AHNAK: variants seen among roughly 807,000 people sequenced by gnomAD.
The protein encoded by AHNAK is neuroblast differentiation-associated protein AHNAK.
AHNAK carries 23 observed loss-of-function variants against 37.8 expected under a neutral mutation model. The observed-to-expected ratio is 0.61, with a 90% CI of 0.44 to 0.86. AHNAK has a LOEUF of 0.86. Ranked by LOEUF, AHNAK falls within the 40% of genes least tolerant of loss-of-function variation. The probability of loss-of-function intolerance (pLI) is 0.00; values close to 1 mark genes in which losing one functional copy is unlikely to be tolerated. For synonymous variants in AHNAK, 2,481 were observed against 2,636.3 expected (o/e 0.94, Z 1.80); for missense variants, 7,411 against 7,319.4 (o/e 1.01, Z -0.46).
At position 62,529,984 on chromosome 11, in the gene AHNAK, C is replaced by A; in HGVS notation, c.4433G>T (p.Gly1478Val). The part of the protein sequence containing the change: ...DYDVTVPKVE[G>V]EIKAPDVDIK... ...GTCAACATCAGGAGCTTTTATCTCT[C>A]CTTCTACTTTTGGAACTGTTACATC... The change falls in exon 5 of 5, where the codon GGA becomes GTA. Residue 1478 changes from glycine to valine, a missense_variant. Coordinates refer to ENST00000378024, the MANE Select transcript of AHNAK (RefSeq NM_001620.3). 6.2e-7 allele frequency: 1 copy of A among 1,613,772 alleles called. No individual in the cohort carries two copies. The highest frequency in any genetic ancestry group is 8.5e-7 in the Non-Finnish European group (1 of 1,179,978).
intron 4 of AHNAK, among the ~76,000 whole-genome samples, chr11:62,494,937 T>C (rs1208874779): frequency 6.7e-6 from 1 of 148,584 alleles, no homozygotes; most frequent in Non-Finnish European, 1.5e-5. Context: ...AAGGCGGAGG[T>C]TGCAGTGAGC....
intron 5 of AHNAK, among the ~76,000 whole-genome samples, chr11:62,462,276 C>G (rs1047876070): frequency 6.7e-5 from 10 of 150,288 alleles, no homozygotes; most frequent in Admixed American, 5.3e-4. Flanking sequence ...CATCTCAACT[C>G]TCTGGTCCTG....
In AHNAK at chr11:62,533,020, G is replaced by C. The variant is rs1940816599; in HGVS notation, c.1397C>G (p.Ser466Cys). The change falls in exon 5 of 5, where the codon TCT (serine) becomes TGT (cysteine). Residue 466 changes from serine to cysteine, a missense_variant. Transcript: ENST00000378024. ...PTGEVTVPGV[S>C]GDVSLPEIAT... ...AATCTCAGGCAGGCTGACATCCCCAGAGACCCCAGGAACAGTCACTTCACC... is the reference window on the plus strand; with the variant it reads ...AATCTCAGGCAGGCTGACATCCCCACAGACCCCAGGAACAGTCACTTCACC... 2 of 1,613,876 alleles carry C rather than the reference G, an allele frequency of 1.2e-6. No homozygotes were observed. The highest frequency in any genetic ancestry group is 2.2e-5 in the South Asian group (2 of 91,080).
In AHNAK at chr11:62,525,606, A is replaced by G. The variant is rs1940449626; in HGVS notation, c.8811T>C (p.Val2937=). The G allele has an allele frequency of 6.2e-7, 1 of 1,612,210 alleles. No homozygotes were observed. The highest frequency in any genetic ancestry group is 1.7e-5 in the Admixed American group (1 of 59,778). ...ACTTTCCCTCTGGTCCTTCAATGTTAACATCAGGGCCTTCAACGTCCACTT... is the reference window on the plus strand; with the variant it reads ...ACTTTCCCTCTGGTCCTTCAATGTTGACATCAGGGCCTTCAACGTCCACTT... ...GPKVDVEGPD[V]NIEGPEGKLK... is the part of the protein sequence containing the mutation. The change falls in exon 5 of 5, where the codon GTT becomes GTC. Residue 2937 remains valine, a synonymous_variant. Coordinates refer to ENST00000378024, the MANE Select transcript of AHNAK (RefSeq NM_001620.3).
chr11:62,442,926 T>A (rs1205712075), intron 5 of AHNAK, among the ~76,000 whole-genome samples: 1 of 151,994 alleles, frequency 6.6e-6, no homozygotes, highest in East Asian at 1.9e-4. Flanking sequence ...TGGATGAGGA[T>A]GCACCTGGGT....
intron 5 of AHNAK, among the ~76,000 whole-genome samples, chr11:62,490,831 A>G (rs1043180024): frequency 6.6e-6 from 1 of 151,948 alleles, no homozygotes; most frequent in East Asian, 1.9e-4. Flanking sequence ...GTCGTCGCCC[A>G]GGCTGGAGTG....
Position 62,527,604 on chromosome 11 carries a change from G to A in AHNAK, c.6813C>T (p.Asp2271=), listed in dbSNP as rs188468517. Residue 2271 remains aspartate (D), a synonymous_variant, in exon 5 of 5, where the codon GAC becomes GAT. Coordinates refer to ENST00000378024, the MANE Select transcript of AHNAK (RefSeq NM_001620.3). ...PEVDVNLPKA[D]VDVSGPKVDV... ...CCACCTTGGGTCCTGAGACATCAAC[G>A]TCAGCCTTGGGCAAGTTCACATCCA... 125 of 1,613,338 alleles carry A rather than the reference G, an allele frequency of 7.7e-5. No individual in the cohort carries two copies. The East Asian group carries it at 2.2e-3, about 29-fold the overall frequency.
intron 5 of AHNAK, among the ~76,000 whole-genome samples, chr11:62,481,008 T>G (rs545924840): frequency 6.6e-6 from 1 of 152,108 alleles, no homozygotes; most frequent in East Asian, 1.9e-4. Context: ...GAGGCGCTCC[T>G]GTAGCTCCTG....
exon 5 of AHNAK, chr11:62,491,764 G>C: frequency 1.2e-6 from 2 of 1,612,786 alleles, no homozygotes; most frequent in Non-Finnish European, 1.7e-6. Flanking sequence ...AACTGCCCCG[G>C]CTTGGCTGCT....
chr11:62,542,236 G>A (rs532232758), intron 1 of AHNAK, among the ~76,000 whole-genome samples: 1 of 151,634 alleles, frequency 6.6e-6, no homozygotes, highest in East Asian at 1.9e-4. Flanking sequence ...AGCCTTCACC[G>A]GCTCACAATA....
intron 4 of AHNAK, among the ~76,000 whole-genome samples, chr11:62,503,852 T>C (rs1251411201): frequency 6.6e-6 from 1 of 152,032 alleles, no homozygotes; most frequent in Non-Finnish European, 1.5e-5. Flanking sequence ...GTTTAAAAAA[T>C]AACTTCTTTT....
intron 5 of AHNAK, among the ~76,000 whole-genome samples, chr11:62,468,869 GCTTTCC>G: frequency 6.6e-6 from 1 of 152,252 alleles, no homozygotes; most frequent in Non-Finnish European, 1.5e-5. Flanking sequence ...CTCTGTTTCT[GCTTTCC>G]TCAGCTCTTT....
rs1940127124 is a variant in AHNAK, at chr11:62,518,983, A to T, written c.15434T>A (p.Met5145Lys). The T allele has an allele frequency of 6.2e-7, 1 of 1,614,172 alleles. No individual in the cohort carries two copies. The highest frequency in any genetic ancestry group is 1.3e-5 in the African/African-American group (1 of 75,044). The part of the protein sequence containing the change: ...DIKAKAPKVK[M>K]PDVDISVPKI... ...TGGCACTGAGATGTCCACATCTGGC[A>T]TCTTGACCTTGGGAGCCTTCGCCTT... The change falls in exon 5 of 5, where the codon ATG (methionine) becomes AAG (lysine). Residue 5145 changes from methionine to lysine, a missense_variant. By Grantham distance (95) the Met-to-Lys change is moderately conservative. Coordinates refer to ENST00000378024, the MANE Select transcript of AHNAK (RefSeq NM_001620.3).
intron 3 of AHNAK, 98 bp from the exon 4 acceptor site, chr11:62,535,288 T>A: frequency 2.7e-6 from 3 of 1,102,094 alleles, no homozygotes; most frequent in Middle Eastern, 2.3e-4. Context: ...CTTGAACTCA[T>A]GACCACCCTG....
At chr11:62,512,243 C>T (rs1234593908), downstream of AHNAK, among the ~76,000 whole-genome samples, 1 of 152,244 alleles carries the variant, frequency 6.6e-6, no homozygotes, top group Non-Finnish European at 1.5e-5. This position sits in a 1 kb window ranked among gnomAD's most constrained non-coding sequence, Gnocchi z 4.0. Flanking sequence ...TCAGCTGCAA[C>T]ACCTGGGCTC....
At chr11:62,451,933 G>C (rs933103592) in intron 5 of AHNAK, among the ~76,000 whole-genome samples, 1 of 149,320 alleles carries the variant, frequency 6.7e-6, no homozygotes, top group African/African-American at 2.5e-5. Context: ...TCAGCCTCCC[G>C]AGTATCTGGG....
rs1380192385 is a variant in AHNAK at position 62,519,798 on chromosome 11, C to A, written c.14619G>T (p.Lys4873Asn). 6.2e-7 allele frequency: 1 copy of A among 1,613,818 alleles called. No homozygotes were observed. The highest frequency in any genetic ancestry group is 8.5e-7 in the Non-Finnish European group (1 of 1,179,914). Reference protein sequence around the residue: ...VKGDFDVSVPKVEGTLKGPEV... With the variant: ...VKGDFDVSVPNVEGTLKGPEV... ...CTGGGCCTTTCAAAGTCCCTTCAAC[C>A]TTAGGGACAGACACATCAAAATCTC... Residue 4873 changes from lysine (K) to asparagine (N), a missense_variant, in exon 5 of 5, where the codon AAG becomes AAT. Physicochemically the swap from Lys to Asn is moderately conservative, Grantham distance 94. Coordinates refer to ENST00000378024, the MANE Select transcript of AHNAK (RefSeq NM_001620.3).
chr11:62,455,396 C>T (rs1938633921), intron 5 of AHNAK, among the ~76,000 whole-genome samples: 2 of 152,110 alleles, frequency 1.3e-5, no homozygotes, highest in East Asian at 2.0e-4. Context: ...CATTTTATTC[C>T]TCCCAAGCCA....
At chr11:62,501,347 T>C (rs1243213955) in intron 4 of AHNAK, among the ~76,000 whole-genome samples, 1 of 152,114 alleles carries the variant, frequency 6.6e-6, no homozygotes, top group Non-Finnish European at 1.5e-5. Context: ...AGTGGGTGGA[T>C]CATGAGGTCA....
Sources: allele counts gnomAD v4.1 joint callset (sites outside exome capture counted in the v4.1 genomes callset), GRCh38; gene constraint gnomAD v4.1.1; non-coding constraint Gnocchi (gnomAD v3.1); transcripts MANE v1.5; gene names NCBI Gene and HGNC (gene_info 2026-07-23, HGNC 2026-07-21).